PSD3: variants seen among roughly 807,000 people sequenced by gnomAD.
The protein encoded by PSD3 is PH and SEC7 domain-containing protein 3.
PSD3 carries 49 observed loss-of-function variants against 105.5 expected under a neutral mutation model. The observed-to-expected ratio is 0.46, with a 90% CI of 0.37 to 0.59. PSD3 has a LOEUF of 0.59. Ranked by LOEUF, PSD3 falls within the 20% of genes least tolerant of loss-of-function variation. PSD3 has a pLI of 0.00. For missense variants in PSD3, 1,561 were observed against 1,263.8 expected (o/e 1.24, Z -3.57); for synonymous variants, 557 against 457.8 (o/e 1.22, Z -2.77).
intron 1 of PSD3, among the ~76,000 whole-genome samples, chr8:19,069,888 T>A (rs913450682): frequency 2.6e-5 from 4 of 152,278 alleles, no homozygotes; most frequent in African/African-American, 9.6e-5. Context: ...ATATTGCTAT[T>A]TTTAGTTGCG....
chr8:18,776,934 A>G (rs1808156039), intron 8 of PSD3, among the ~76,000 whole-genome samples: 1 of 151,906 alleles, frequency 6.6e-6, no homozygotes, highest in Admixed American at 6.6e-5. Context: ...GTCTCTAATG[A>G]TTTTGTGTTT....
intron 4 of PSD3, among the ~76,000 whole-genome samples, chr8:18,822,641 A>G (rs567050597): frequency 4.5e-4 from 68 of 152,324 alleles, no homozygotes; most frequent in Middle Eastern, 3.4e-3. Context: ...TATCAGTGTG[A>G]ACCACTAAGC....
Position 18,867,761 on chromosome 8 carries a change from C to G in PSD3, c.1547G>C (p.Gly516Ala), listed in dbSNP as rs748306430. The change falls in exon 4 of 16, where the codon GGC (glycine) becomes GCC (alanine). Residue 516 changes from glycine (G) to alanine (A), a missense_variant. By Grantham distance (60) the Gly-to-Ala change is moderately conservative. Transcript: ENST00000327040. Reference sequence around the variant, plus strand: ...CCCATTGGTGACGCCACTAGAATAGCCCATCACGATGCCACCATCTGCAGA... The same window carrying G: ...CCCATTGGTGACGCCACTAGAATAGGCCATCACGATGCCACCATCTGCAGA... ...SVSADGGIVM[G>A]YSSGVTNGLN... 8.7e-6 allele frequency: 14 copies of G among 1,614,108 alleles called. No individual in the cohort carries two copies. Among genetic ancestry groups the G allele is most frequent in the South Asian group, 4.4e-5 (4 of 91,084 alleles).
chr8:18,622,588 T>C (rs555590140), intron 11 of PSD3, among the ~76,000 whole-genome samples: 49 of 152,290 alleles, frequency 3.2e-4, no homozygotes, highest in African/African-American at 1.2e-3. Flanking sequence ...TTCCCCAGCT[T>C]TAGTAAGGTG....
chr8:18,572,594 T>C lies in PSD3; in HGVS notation c.2718A>G (p.Ala906=), dbSNP rs992291557. 18 of 1,614,038 alleles carry C rather than the reference T, an allele frequency of 1.1e-5. No individual in the cohort carries two copies. Among genetic ancestry groups the C allele is most frequent in the African/African-American group, 5.3e-5 (4 of 74,948 alleles). ...TAAACTTCTTCTGAGAGCCGATTGC[T>C]GCTGGAAATGGTGGTGCAGAAAATA... The part of the protein sequence containing the change: ...AAVFSAPPFP[A]AIGSQKKFSR... Residue 906 remains alanine (A), a synonymous_variant, in exon 14 of 16, where the codon GCA becomes GCG. Transcript: ENST00000327040.
chr8:18,967,860 C>T (rs1194404444), intron 1 of PSD3, among the ~76,000 whole-genome samples: 1 of 152,192 alleles, frequency 6.6e-6, no homozygotes, highest in Non-Finnish European at 1.5e-5. Flanking sequence ...CCAACACAGA[C>T]TTTTTCCAAG....
chr8:18,899,697 T>TA (rs1417792322), intron 2 of PSD3, among the ~76,000 whole-genome samples: 1 of 152,100 alleles, frequency 6.6e-6, no homozygotes, highest in Non-Finnish European at 1.5e-5. Flanking sequence ...GGCAGTCCCT[T>TA]ACTGGCAAGG....
At chr8:18,604,142 C>T (rs114437542) in intron 11 of PSD3, among the ~76,000 whole-genome samples, 1 of 152,100 alleles carries the variant, frequency 6.6e-6, no homozygotes, top group Non-Finnish European at 1.5e-5. Flanking sequence ...AGGAAGATGA[C>T]TGAAAGTTTG....
At chr8:18,693,971 G>T (rs1230096250) in intron 9 of PSD3, among the ~76,000 whole-genome samples, 2 of 152,190 alleles carry the variant, frequency 1.3e-5, no homozygotes, top group African/African-American at 4.8e-5. Context: ...AAGTAGTGAT[G>T]ATGGGTAGTA....
At chr8:18,567,603 T>C (rs941926189) in intron 14 of PSD3, among the ~76,000 whole-genome samples, 11 of 152,236 alleles carry the variant, frequency 7.2e-5, no homozygotes, top group Admixed American at 1.3e-4. Flanking sequence ...ATGTTAATGA[T>C]AATTATGAAT....
chr8:18,715,044 A>C (rs943265136), intron 9 of PSD3, among the ~76,000 whole-genome samples: 2 of 152,118 alleles, frequency 1.3e-5, no homozygotes, highest in Admixed American at 1.3e-4. Flanking sequence ...AAAACCAAAC[A>C]CTGCATGTTC....
intron 9 of PSD3, among the ~76,000 whole-genome samples, chr8:18,711,542 A>G (rs1012939792): frequency 2.6e-5 from 4 of 152,208 alleles, no homozygotes; most frequent in South Asian, 2.1e-4. Flanking sequence ...AGTGCCTCAC[A>G]TAACGGTAAA....
intron 9 of PSD3, among the ~76,000 whole-genome samples, chr8:18,750,685 G>A (rs1294471037): frequency 1.3e-5 from 2 of 152,012 alleles, no homozygotes; most frequent in African/African-American, 4.8e-5. Context: ...TTTTGACAGG[G>A]CGCTGAGTGG....
intron 1 of PSD3, among the ~76,000 whole-genome samples, chr8:19,080,113 T>G (rs993459909): frequency 6.6e-6 from 1 of 152,138 alleles, no homozygotes; most frequent in Non-Finnish European, 1.5e-5. Context: ...GAACTCAGAC[T>G]CCTGACTTCA....
rs1222482803 is a variant in PSD3, at chr8:18,974,040, A to G, written c.22-37898T>C. Among the ~76,000 whole-genome samples, 5 of 152,224 alleles carry G rather than the reference A, an allele frequency of 3.3e-5. 1 individual carries two copies. Among genetic ancestry groups the G allele is most frequent in the Non-Finnish European group, 1.5e-5 (1 of 68,036 alleles). On this transcript the variant is annotated intron_variant, in intron 1 of 15. Coordinates refer to ENST00000327040, the MANE Select transcript of PSD3 (RefSeq NM_015310.4). ...CTAGCTTTTAACCATTGAGTAGCCT[A>G]CAATACAAATGATAAAATAACTCCA...
At chr8:18,952,606 T>C (rs531954248) in intron 1 of PSD3, among the ~76,000 whole-genome samples, 3 of 152,282 alleles carry the variant, frequency 2.0e-5, no homozygotes, top group African/African-American at 7.2e-5. Flanking sequence ...CAAGAACAAA[T>C]GAATTAAATA....
chr8:18,784,994 A>G (rs335239), intron 8 of PSD3, among the ~76,000 whole-genome samples: 146,449 of 152,162 alleles, frequency 0.96, 70,656 homozygotes, highest in Non-Finnish European at 0.98. Context: ...TCACATGGTT[A>G]TTTCCCCTAA....
intron 9 of PSD3, chr8:18,683,768 C>T (rs777371132): frequency 1.3e-6 from 1 of 764,904 alleles, no homozygotes. Flanking sequence ...TGTGGTATTT[C>T]TTTACCTTGT....
intron 9 of PSD3, among the ~76,000 whole-genome samples, chr8:18,676,732 T>C (rs1007457690): frequency 6.6e-6 from 1 of 152,206 alleles, no homozygotes; most frequent in Non-Finnish European, 1.5e-5. Context: ...CCTGTATACT[T>C]TAGCCTTGAT....
Sources: allele counts gnomAD v4.1 joint callset (sites outside exome capture counted in the v4.1 genomes callset), GRCh38; gene constraint gnomAD v4.1.1; transcripts MANE v1.5; gene names NCBI Gene and HGNC (gene_info 2026-07-23, HGNC 2026-07-21).